The following DNAH17 variants were observed in gnomAD, a reference collection of about 807,000 sequenced individuals.
The protein encoded by DNAH17 is dynein axonemal heavy chain 17.
In DNAH17, 376 loss-of-function variants were observed where a neutral mutation model predicts 485.6. The ratio of observed to expected loss-of-function variants is 0.77; its 90% CI spans 0.71 to 0.84. The LOEUF is 0.84. DNAH17 is among the 40% of genes least tolerant of loss of function. The pLI is 0.00. For synonymous variants in DNAH17, 3,031 were observed against 2,405.9 expected (o/e 1.26, Z -7.60); for missense variants, 6,370 against 5,839.3 (o/e 1.09, Z -2.96).
In DNAH17 at chr17:78,502,577, C is replaced by T; in HGVS notation, c.5190+14G>A. The T allele has an allele frequency of 6.2e-7, 1 of 1,608,128 alleles. No homozygotes were observed. Among genetic ancestry groups the T allele is most frequent in the Non-Finnish European group, 8.5e-7 (1 of 1,177,044 alleles). ...AGTTTTAAAAACGTAACTAACTACA[C>T]ACTAGTAACACACCTGCTTTTTGTT... On this transcript the variant is annotated intron_variant, in intron 33 of 80. Coordinates refer to ENST00000389840, the MANE Select transcript of DNAH17 (RefSeq NM_173628.4).
At chr17:78,515,224 G>A (rs1238851216) in intron 25 of DNAH17, among the ~76,000 whole-genome samples, 1 of 152,194 alleles carries the variant, frequency 6.6e-6, no homozygotes, top group Non-Finnish European at 1.5e-5. Context: ...AAAGTTAACA[G>A]TTGGCCGGGC....
rs2089526594 is a variant in DNAH17 at position 78,484,865 on chromosome 17, A to C, written c.7649+3T>G. Reference sequence around the variant, plus strand: ...CTTCCCCTCCGGCCCCGCCCCGTCTAACCAGTGCCGGTGGTCCATGTGCTG... The same window carrying C: ...CTTCCCCTCCGGCCCCGCCCCGTCTCACCAGTGCCGGTGGTCCATGTGCTG... On this transcript the variant is annotated splice_donor_region_variant and intron_variant, in intron 48 of 80. Coordinates refer to ENST00000389840, the MANE Select transcript of DNAH17 (RefSeq NM_173628.4). The C allele has an allele frequency of 1.3e-6, 2 of 1,550,368 alleles. No homozygotes were observed. The highest frequency in any genetic ancestry group is 1.2e-5 in the South Asian group (1 of 84,020).
intron 36 of DNAH17, 47 bp from the exon 37 acceptor site, chr17:78,499,159 G>T: frequency 2.2e-6 from 3 of 1,380,132 alleles, no homozygotes; most frequent in Non-Finnish European, 2.9e-6. Flanking sequence ...GGGTGACAGG[G>T]AGGGCGGGCG....
chr17:78,521,386 A>G (rs1355196076), intron 25 of DNAH17, among the ~76,000 whole-genome samples: 9 of 152,146 alleles, frequency 5.9e-5, no homozygotes, highest in Admixed American at 5.9e-4. Context: ...AGCCTGGGTG[A>G]CAAGAGCGAC....
In DNAH17 at chr17:78,510,356, C is replaced by T. The variant is rs370173336; in HGVS notation, c.4236+28G>A. 2.5e-5 allele frequency: 40 copies of T among 1,609,550 alleles called. 1 individual carries two copies. In the East Asian group the frequency reaches 8.3e-4, roughly 33 times the overall value. ...GCAGTTTCAGGCTGATCCCACGTTG[C>T]ACAGACAGCACCGCCAGCACGGCCT... is the stretch of plus-strand genomic sequence containing the variant. On this transcript the variant is annotated intron_variant, in intron 27 of 80. Transcript: ENST00000389840.
In DNAH17 at chr17:78,468,730, C is replaced by T. The variant is rs566586350; in HGVS notation, c.8665G>A (p.Glu2889Lys). 27 of 1,614,034 alleles carry T rather than the reference C, an allele frequency of 1.7e-5. No homozygotes were observed. The African/African-American group carries it at 2.4e-4, about 14-fold the overall frequency. Residue 2889 changes from glutamate (E) to lysine (K), a missense_variant, in exon 55 of 81, where the codon GAG becomes AAG. Glu to Lys is a moderately conservative substitution (Grantham distance 56, BLOSUM62 1). Transcript: ENST00000389840. ...ATGGAGGAGATGATGTTCTCCACCT[C>T]GTCCTCCATAAACAGCCCAGGGATC... ...GEIPGLFMED[E>K]VENIISSMRP...
chr17:78,503,876 G>T (rs926764725), intron 31 of DNAH17, among the ~76,000 whole-genome samples: 2 of 151,980 alleles, frequency 1.3e-5, no homozygotes, highest in African/African-American at 4.8e-5. Flanking sequence ...TTAGACAGGA[G>T]AATCACTTGA....
chr17:78,452,605 G>C (rs988402738), intron 65 of DNAH17, among the ~76,000 whole-genome samples: 1 of 152,212 alleles, frequency 6.6e-6, no homozygotes, highest in East Asian at 1.9e-4. Flanking sequence ...GGGCACGTTG[G>C]TGTGTTCCTG....
chr17:78,492,408 G>A (rs565824734), intron 42 of DNAH17, among the ~76,000 whole-genome samples: 5 of 152,220 alleles, frequency 3.3e-5, no homozygotes, highest in East Asian at 3.9e-4. Context: ...AGTCCTCACC[G>A]TCCCAGCTCC....
At chr17:78,431,410 G>A (rs1040294689) in intron 75 of DNAH17, among the ~76,000 whole-genome samples, 6 of 151,478 alleles carry the variant, frequency 4.0e-5, no homozygotes, top group African/African-American at 1.2e-4. Context: ...AGGGGGTGGG[G>A]GTGAGTGCTG....
At chr17:78,569,094 G>A (rs1216977495) in intron 9 of DNAH17, 72 bp downstream of exon 9, 2 of 1,206,332 alleles carry the variant, frequency 1.7e-6, no homozygotes, top group Non-Finnish European at 1.2e-6. Flanking sequence ...GGTAGGGATG[G>A]ACGCTGCAGG....
At chr17:78,476,987 G>C (rs1276014621) in intron 51 of DNAH17, among the ~76,000 whole-genome samples, 1 of 152,186 alleles carries the variant, frequency 6.6e-6, no homozygotes, top group East Asian at 1.9e-4. Context: ...TCATCCTCCA[G>C]AAGAGTGAAT....
At chr17:78,484,799 C>T (rs1312423875) in intron 48 of DNAH17, 69 bp downstream of exon 48, 22 of 1,187,038 alleles carry the variant, frequency 1.9e-5, no homozygotes, top group Non-Finnish European at 2.1e-5. Flanking sequence ...CCTCTTCCTG[C>T]GCCCCGCCCT....
At chr17:78,496,388 T>A (rs2090070833) in intron 37 of DNAH17, among the ~76,000 whole-genome samples, 1 of 149,372 alleles carries the variant, frequency 6.7e-6, no homozygotes, top group East Asian at 2.0e-4. Context: ...CAAAGGCAAT[T>A]CTGTGTACTC....
rs753902518 is a variant in DNAH17 at position 78,466,820 on chromosome 17, G to A, written c.8779-4C>T. ...CAGGGGAGAAACACAGGATCACCTG[G>A]GTGTGGGAGACACAGATGCGCTGCC... On this transcript the variant is annotated splice_polypyrimidine_tract_variant and splice_region_variant and intron_variant, in intron 55 of 80. Coordinates refer to ENST00000389840, the MANE Select transcript of DNAH17 (RefSeq NM_173628.4). The A allele has an allele frequency of 3.2e-6, 5 of 1,576,258 alleles. No individual in the cohort carries two copies. The highest frequency in any genetic ancestry group is 4.3e-6 in the Non-Finnish European group (5 of 1,161,808).
intron 22 of DNAH17, 29 bp from the exon 23 acceptor site, chr17:78,527,025 C>G (rs752209142): frequency 6.7e-7 from 1 of 1,500,734 alleles, no homozygotes; most frequent in Admixed American, 2.1e-5. Context: ...GAGGAGGGCT[C>G]CTTTCTCATT....
intron 16 of DNAH17, among the ~76,000 whole-genome samples, chr17:78,548,207 T>TTTTTTTTTTTC (rs60855867): frequency 0.044 from 5,613 of 128,200 alleles, 383 homozygotes; most frequent in South Asian, 0.17. Flanking sequence ...ATGGCCTTTT[T>TTTTTTTTTTTC]TTTTTTTTTT....
chr17:78,429,400 T>C, intron 75 of DNAH17, 100 bp from the exon 76 acceptor site: 3 of 1,315,912 alleles, frequency 2.3e-6, no homozygotes, highest in Non-Finnish European at 3.1e-6. Flanking sequence ...AACCCAGCCA[T>C]TGGTGCTGTG....
At chr17:78,576,566 T>C (rs1267872281) in intron 1 of DNAH17, among the ~76,000 whole-genome samples, 1 of 152,044 alleles carries the variant, frequency 6.6e-6, no homozygotes, top group Admixed American at 6.5e-5. Context: ...TGAATTAATC[T>C]CCACCCAGGA....
Sources: gnomAD v4.1 joint callset for allele counts (sites outside exome capture counted in the v4.1 genomes callset) on GRCh38, gnomAD v4.1.1 for gene constraint, MANE v1.5 for transcripts, NCBI Gene and HGNC (gene_info 2026-07-23, HGNC 2026-07-21) for gene names.